Variants in LTA4H observed in about 807,000 individuals in gnomAD.
LTA4H encodes leukotriene A4 hydrolase, also known as leukotriene A-4 hydrolase.
Under a neutral mutation model 89.8 loss-of-function variants are expected in LTA4H, and 59 were observed. The observed-to-expected ratio is 0.66, with a 90% CI of 0.53 to 0.82. The LOEUF is 0.82. Among genes scored for constraint, LTA4H ranks in the 40% least tolerant of loss-of-function variants. LTA4H has a pLI of 0.00. For synonymous variants in LTA4H, 227 were observed against 253.1 expected (o/e 0.90, Z 0.98); for missense variants, 617 against 727.0 (o/e 0.85, Z 1.74).
At chr12:96,015,782 C>T (rs2136888084) in intron 10 of LTA4H, 88 bp from the exon 11 acceptor site, 1 of 875,716 alleles carries the variant, frequency 1.1e-6, no homozygotes, top group Non-Finnish European at 1.8e-6. Context: ...GGCTTTTCTA[C>T]AGAGGAAAGC....
At chr12:96,008,870 G>T (rs531465288) in intron 15 of LTA4H, among the ~76,000 whole-genome samples, 1 of 151,794 alleles carries the variant, frequency 6.6e-6, no homozygotes, top group Non-Finnish European at 1.5e-5. Context: ...AATGAGCCAT[G>T]ATCACGCCAC....
chr12:96,021,121 T>A lies in LTA4H; in HGVS notation c.602A>T (p.Tyr201Phe), dbSNP rs1364099637. ...AGCTCCAACAACTAAAGCAATCAGG[T>A]AGCAGGGTATTGGAACCTAAAGAGG... ...KFIQKVPIPC[Y>F]LIALVVGALE... is the part of the protein sequence containing the mutation. Residue 201 changes from tyrosine (Y) to phenylalanine (F), a missense_variant, in exon 6 of 19, where the codon TAC becomes TTC. Tyr to Phe is a conservative substitution (Grantham distance 22). Coordinates refer to ENST00000228740, the MANE Select transcript of LTA4H (RefSeq NM_000895.3). 1 of 1,599,570 alleles carries A rather than the reference T, an allele frequency of 6.3e-7. No homozygotes were observed. The highest frequency in any genetic ancestry group is 1.8e-5 in the Admixed American group (1 of 55,386).
intron 8 of LTA4H, among the ~76,000 whole-genome samples, chr12:96,017,840 T>G (rs960905517): frequency 6.6e-6 from 1 of 152,248 alleles, no homozygotes; most frequent in Non-Finnish European, 1.5e-5. Context: ...CTAACTTCCA[T>G]GAAACATTTC....
intron 9 of LTA4H, 42 bp downstream of exon 9, chr12:96,017,515 T>C (rs746943873): frequency 3.2e-6 from 5 of 1,549,184 alleles, no homozygotes; most frequent in Admixed American, 3.4e-5. Context: ...GTTGACGTAA[T>C]ACTTCTTGAA....
At chr12:96,015,811 C>G (rs550420091) in intron 10 of LTA4H, 117 bp from the exon 11 acceptor site, 15 of 685,598 alleles carry the variant, frequency 2.2e-5, no homozygotes, top group African/African-American at 3.6e-5. Flanking sequence ...GGCATGACCA[C>G]TACAGTCTAA....
intron 18 of LTA4H, among the ~76,000 whole-genome samples, chr12:96,001,854 A>AT (rs773678087): frequency 0.029 from 4,216 of 147,268 alleles, 154 homozygotes; most frequent in African/African-American, 0.086. Context: ...TATTTTATTC[A>AT]TTTTTTTTTT....
At chr12:96,006,275 T>C (rs1452146425) in intron 16 of LTA4H, 39 bp downstream of exon 16, 2 of 1,315,748 alleles carry the variant, frequency 1.5e-6, no homozygotes. Flanking sequence ...TGTGCCTTTC[T>C]GTCCATTTTA....
chr12:96,011,787 C>CA (rs1396827722), intron 14 of LTA4H: 1 of 152,106 alleles, frequency 6.6e-6, no homozygotes, highest in Non-Finnish European at 1.5e-5. Context: ...TTCTAGCCCC[C>CA]AAACGTCTCT....
At chr12:96,024,387 C>A in intron 4 of LTA4H, 92 bp downstream of exon 4, 2 of 713,000 alleles carry the variant, frequency 2.8e-6, no homozygotes, top group Non-Finnish European at 2.3e-6. Context: ...ATAATTCTAG[C>A]TCTAGGAATT....
At chr12:96,036,988 A>C (rs1248441566), upstream of LTA4H, among the ~76,000 whole-genome samples, 1 of 152,124 alleles carries the variant, frequency 6.6e-6, no homozygotes, top group Non-Finnish European at 1.5e-5. Flanking sequence ...CCCACAAGAC[A>C]CTGTGGCGAG....
At chr12:96,028,146 AGAG>A (rs1427954836) in intron 2 of LTA4H, among the ~76,000 whole-genome samples, 2 of 152,214 alleles carry the variant, frequency 1.3e-5, no homozygotes, top group African/African-American at 2.4e-5. Context: ...GACAGATTGA[AGAG>A]GATAGAAATT....
chr12:96,039,179 G>A (rs1012476185), upstream of LTA4H, among the ~76,000 whole-genome samples: 1 of 152,080 alleles, frequency 6.6e-6, no homozygotes, highest in Non-Finnish European at 1.5e-5. Context: ...GAGCCCAGGA[G>A]TTTGAGTTCA....
intron 8 of LTA4H, 46 bp downstream of exon 8, chr12:96,018,717 T>A (rs1409440332): frequency 6.8e-7 from 1 of 1,463,352 alleles, no homozygotes; most frequent in Non-Finnish European, 9.1e-7. Context: ...GTTCTTAAGT[T>A]TATTTTTGAA....
chr12:96,031,422 C>T (rs1007901503), intron 1 of LTA4H, among the ~76,000 whole-genome samples: 9 of 151,950 alleles, frequency 5.9e-5, no homozygotes, highest in African/African-American at 1.7e-4. Context: ...CAAATTTCAG[C>T]GATGTTATTT....
chr12:96,031,409 C>T (rs955175176), intron 1 of LTA4H, among the ~76,000 whole-genome samples: 4 of 152,158 alleles, frequency 2.6e-5, no homozygotes, highest in Non-Finnish European at 5.9e-5. Context: ...TAAAATTCCC[C>T]TTCAAATTTC....
At chr12:96,027,824 C>A (rs905900429) in intron 2 of LTA4H, 9 of 230,832 alleles carry the variant, frequency 3.9e-5, no homozygotes, top group African/African-American at 2.1e-4. Context: ...TGGTTGACTA[C>A]CCCGTTGTGT....
intron 14 of LTA4H, chr12:96,012,485 G>T (rs1950318452): frequency 6.6e-6 from 1 of 152,526 alleles, no homozygotes; most frequent in African/African-American, 2.4e-5. Flanking sequence ...ACAAAGGCAG[G>T]TGGATTGTTT....
chr12:96,038,643 T>C (rs1566021373), upstream of LTA4H, among the ~76,000 whole-genome samples: 1 of 151,744 alleles, frequency 6.6e-6, no homozygotes, highest in Non-Finnish European at 1.5e-5. Flanking sequence ...CCTTCCAAAG[T>C]GCTGGGATTA....
upstream of LTA4H, among the ~76,000 whole-genome samples, chr12:96,037,275 C>T (rs1301957812): frequency 1.3e-5 from 2 of 152,134 alleles, no homozygotes; most frequent in African/African-American, 2.4e-5. Flanking sequence ...CGTCACATAA[C>T]GTGGTGGATG....
Sources: allele counts gnomAD v4.1 joint callset (sites outside exome capture counted in the v4.1 genomes callset), GRCh38; gene constraint gnomAD v4.1.1; transcripts MANE v1.5; gene names NCBI Gene and HGNC (gene_info 2026-07-23, HGNC 2026-07-21).